Variants in SERPINA11 observed in about 807,000 individuals in gnomAD.
SERPINA11 encodes serpin A11.
A neutral mutation model predicts 29.4 loss-of-function variants in SERPINA11; 28 were observed. That is an observed-to-expected ratio of 0.95 (90% CI 0.70 to 1.30). The LOEUF is 1.30. SERPINA11 is among the 50% of genes most tolerant of loss of function. The probability of loss-of-function intolerance (pLI) is 0.00; values close to 1 mark genes in which losing one functional copy is unlikely to be tolerated. For synonymous variants in SERPINA11, 253 were observed against 206.6 expected (o/e 1.22, Z -1.92); for missense variants, 530 against 507.3 (o/e 1.04, Z -0.43).
chr14:94,446,791 G>A (rs117014210), intron 2 of SERPINA11, among the ~76,000 whole-genome samples, 187 bp from the exon 3 acceptor site: 3,988 of 152,282 alleles, frequency 0.026, 73 homozygotes, highest in Middle Eastern at 0.048. Context: ...CAGTGTTTGA[G>A]CACTAACAGC....
chr14:94,444,817 C>A (rs531240776), intron 3 of SERPINA11, among the ~76,000 whole-genome samples: 3 of 152,016 alleles, frequency 2.0e-5, no homozygotes, highest in African/African-American at 7.3e-5. Context: ...TCAAGATGAC[C>A]GTCAAAAGGT....
intron 3 of SERPINA11, among the ~76,000 whole-genome samples, chr14:94,445,549 C>T (rs147693654): frequency 1.3e-5 from 2 of 152,096 alleles, no homozygotes; most frequent in East Asian, 3.9e-4. Context: ...AATAGAAGCA[C>T]CCTTTAACAA....
chr14:94,442,718 G>T lies in SERPINA11; in HGVS notation c.1157C>A (p.Thr386Asn), dbSNP rs1416659358. ...GAAGTGGGCATGTGGGTCTGACATGGTGTTCAGAGATGGGGGCTGGGAGAG... is the reference window on the plus strand; with the variant it reads ...GAAGTGGGCATGTGGGTCTGACATGTTGTTCAGAGATGGGGGCTGGGAGAG... ...GLLSQPPSLN[T>N]MSDPHAHFNR... The change falls in exon 5 of 5, where the codon ACC (threonine) becomes AAC (asparagine). Residue 386 changes from threonine to asparagine, a missense_variant. Transcript: ENST00000334708. 4.3e-6 allele frequency: 7 copies of T among 1,613,642 alleles called. No individual in the cohort carries two copies.
Position 94,442,769 on chromosome 14 carries a change from G to C in SERPINA11, c.1106C>G (p.Thr369Ser), listed in dbSNP as rs763826276. 7 of 1,612,514 alleles carry C rather than the reference G, an allele frequency of 4.3e-6. No homozygotes were observed. In the African/African-American group the frequency reaches 8.0e-5, roughly 18 times the overall value. ...GAGGCCTGAAGCAGCCCCGGCCTCG[G>C]TCCCCTTCTCACTCATGTCCACCAT... The part of the protein sequence containing the change: ...KAMVDMSEKG[T>S]EAGAASGLLS... The change falls in exon 5 of 5, where the codon ACC becomes AGC. Residue 369 changes from threonine to serine, a missense_variant. Thr to Ser is a moderately conservative substitution (Grantham distance 58). Coordinates refer to ENST00000334708, the MANE Select transcript of SERPINA11 (RefSeq NM_001080451.2).
At chr14:94,445,131 C>G (rs768239882) in intron 3 of SERPINA11, among the ~76,000 whole-genome samples, 25 of 152,202 alleles carry the variant, frequency 1.6e-4, no homozygotes, top group Non-Finnish European at 2.8e-4. Context: ...CCAGCCAGCC[C>G]AGCACAGGCA....
At chr14:94,449,421 C>CTTTCT (rs1898526397) in intron 1 of SERPINA11, among the ~76,000 whole-genome samples, 1 of 81,064 alleles carries the variant, frequency 1.2e-5, no homozygotes, top group African/African-American at 7.9e-5. Context: ...TTCTTTCTTT[C>CTTTCT]TTTCTTTCTT....
chr14:94,448,451 T>C lies in SERPINA11; in HGVS notation c.324A>G (p.Thr108=), dbSNP rs777116178. The change falls in exon 2 of 5, where the codon ACA becomes ACG. Residue 108 remains threonine, a synonymous_variant. Transcript: ENST00000334708. ...GGTGGATGTCGGCTTCAGGGGTTTCTGTGAGGTTGAATCCCAGGCCCTCCA... is the reference window on the plus strand; with the variant it reads ...GGTGGATGTCGGCTTCAGGGGTTTCCGTGAGGTTGAATCCCAGGCCCTCCA... ...LILEGLGFNL[T]ETPEADIHQG... is the part of the protein sequence containing the mutation. 31 of 1,614,058 alleles carry C rather than the reference T, an allele frequency of 1.9e-5. No homozygotes were observed. Among genetic ancestry groups the C allele is most frequent in the Non-Finnish European group, 2.5e-5 (30 of 1,180,022 alleles).
chr14:94,448,917 T>C (rs1434021316), intron 1 of SERPINA11, 140 bp from the exon 2 acceptor site: 2 of 693,184 alleles, frequency 2.9e-6, no homozygotes, highest in Non-Finnish European at 4.3e-6. Context: ...AGGCTGTGGA[T>C]GATTAGGATT....
At position 94,446,466 on chromosome 14, in the gene SERPINA11, C is replaced by G. The variant is rs1440227324; in HGVS notation, c.782G>C (p.Cys261Ser). Reference sequence around the variant, plus strand: ...TCTGTATTCTATCTGGAGGACGGTGCAAGCCAAATCCTGGTCATAGAGGAA... The same window carrying G: ...TCTGTATTCTATCTGGAGGACGGTGGAAGCCAAATCCTGGTCATAGAGGAA... ...HRFLYDQDLA[C>S]TVLQIEYRGN... The change falls in exon 3 of 5, where the codon TGC becomes TCC. Residue 261 changes from cysteine (C) to serine (S), a missense_variant. Transcript: ENST00000334708. 1.9e-6 allele frequency: 3 copies of G among 1,614,178 alleles called. No individual in the cohort carries two copies. Among genetic ancestry groups the G allele is most frequent in the Non-Finnish European group, 2.5e-6 (3 of 1,180,004 alleles).
Position 94,449,463 on chromosome 14 carries a change from TTCTTTCTTTCTTTCTTTCTG to T in SERPINA11, c.-3-706_-3-687del, listed in dbSNP as rs1320774400. Among the ~76,000 whole-genome samples the T allele has an allele frequency of 2.0e-3, 192 of 97,666 alleles. 12 individuals are homozygous for T. In the East Asian group the frequency reaches 0.028, roughly 14 times the overall value. 64.1% of individuals were successfully genotyped at this position (97,666 alleles called of 152,430 possible). On this transcript the variant is annotated intron_variant, in intron 1 of 4. Transcript: ENST00000334708. ...TTTCTTTCTTTCTTTCTTTCTTTCT[TTCTTTCTTTCTTTCTTTCTG>T]TCTGTCTGTCTTTCTTTCTCTTTCT...
At chr14:94,450,212 C>T (rs1315452911) in intron 1 of SERPINA11, among the ~76,000 whole-genome samples, 2 of 152,090 alleles carry the variant, frequency 1.3e-5, no homozygotes, top group East Asian at 1.9e-4. Flanking sequence ...ATGTCTGTTA[C>T]GTGCTGAATT....
In SERPINA11 at chr14:94,448,199, G is replaced by T; in HGVS notation, c.576C>A (p.Val192=). 6.2e-7 allele frequency: 1 copy of T among 1,614,190 alleles called. No individual in the cohort carries two copies. Among genetic ancestry groups the T allele is most frequent in the Non-Finnish European group, 8.5e-7 (1 of 1,180,012 alleles). The change falls in exon 2 of 5, where the codon GTC becomes GTA. Residue 192 remains valine (V), a synonymous_variant. Transcript: ENST00000334708. Reference sequence around the variant, plus strand: ...GGCTGAACTCCGGGAGGCAGTCCACGACTTGCCCGTATGTTTGCCTTCTCA... The same window carrying T: ...GGCTGAACTCCGGGAGGCAGTCCACTACTTGCCCGTATGTTTGCCTTCTCA... ...DYLRRQTYGQ[V]VDCLPEFSQD... is the part of the protein sequence containing the mutation.
chr14:94,446,578 A>T lies in SERPINA11; in HGVS notation c.670T>A (p.Tyr224Asn). The T allele has an allele frequency of 6.2e-7, 1 of 1,614,100 alleles. No homozygotes were observed. Among genetic ancestry groups the T allele is most frequent in the Non-Finnish European group, 8.5e-7 (1 of 1,179,998 alleles). Residue 224 changes from tyrosine to asparagine, a missense_variant, in exon 3 of 5, where the codon TAC becomes AAC. Transcript: ENST00000334708. ...AAACTTTCCTGCTTCTGGGTCTGGT[A>T]GCGACTGAAAGGGTGCTTCCACTTG... ...KAKWKHPFSR[Y>N]QTQKQESFFV...
At chr14:94,451,175 A>T in intron 1 of SERPINA11, among the ~76,000 whole-genome samples, 1 of 152,194 alleles carries the variant, frequency 6.6e-6, no homozygotes, top group Non-Finnish European at 1.5e-5. Context: ...TGAAAGAGAG[A>T]TTATATTTTT....
chr14:94,451,263 G>A (rs922261329), intron 1 of SERPINA11, among the ~76,000 whole-genome samples: 2 of 152,180 alleles, frequency 1.3e-5, no homozygotes, highest in Non-Finnish European at 2.9e-5. Flanking sequence ...GGACGAATGT[G>A]GTCTCATTAT....
Position 94,448,700 on chromosome 14 carries a change from A to C in SERPINA11, c.75T>G (p.His25Gln). 1 of 1,539,486 alleles carries C rather than the reference A, an allele frequency of 6.5e-7. No homozygotes were observed. The highest frequency in any genetic ancestry group is 8.7e-7 in the Non-Finnish European group (1 of 1,144,776). ...GAGGCCCCTGCAGACTTTTATCTCC[A>C]TGGGCAAGAAGGGGCTGACAGTGGA... ...ASVHCQPLLA[H>Q]GDKSLQGPQP... Residue 25 changes from histidine to glutamine, a missense_variant, in exon 2 of 5, where the codon CAT (histidine) becomes CAG (glutamine). Coordinates refer to ENST00000334708, the MANE Select transcript of SERPINA11 (RefSeq NM_001080451.2).
chr14:94,452,282 T>G (rs1291272946), intron 1 of SERPINA11, among the ~76,000 whole-genome samples: 2 of 152,186 alleles, frequency 1.3e-5, no homozygotes, highest in Admixed American at 6.5e-5. Flanking sequence ...GAATGACTGA[T>G]GCAGGGTTAG....
intron 1 of SERPINA11, among the ~76,000 whole-genome samples, chr14:94,449,967 C>CCGA (rs1233374134): frequency 6.6e-6 from 1 of 152,174 alleles, no homozygotes; most frequent in Admixed American, 6.5e-5. Flanking sequence ...CTCCCCCTTT[C>CCGA]CAGTCGTTCA....
In SERPINA11 at chr14:94,442,525, G is replaced by T; in HGVS notation, c.*81C>A. On this transcript the variant is annotated 3_prime_UTR_variant, in exon 5 of 5. Transcript: ENST00000334708. Reference sequence around the variant, plus strand: ...GCACACTGATTAACTGAACCACATAGCAGCCCCAGGATGCAGGCTGGTTCT... The same window carrying T: ...GCACACTGATTAACTGAACCACATATCAGCCCCAGGATGCAGGCTGGTTCT... The T allele has an allele frequency of 1.0e-6, 1 of 994,670 alleles. No homozygotes were observed. The highest frequency in any genetic ancestry group is 1.5e-6 in the Non-Finnish European group (1 of 668,844). The allele number at this position is 994,670 out of a possible 1,614,324, so 61.6% of individuals were successfully genotyped here.
Sources: gnomAD v4.1 joint callset for allele counts (sites outside exome capture counted in the v4.1 genomes callset) on GRCh38, gnomAD v4.1.1 for gene constraint, MANE v1.5 for transcripts, NCBI Gene and HGNC (gene_info 2026-07-23, HGNC 2026-07-21) for gene names.